ROBO1: variants seen among roughly 807,000 people sequenced by gnomAD.
ROBO1 encodes the protein roundabout guidance receptor 1, also known as roundabout homolog 1.
Under a neutral mutation model 195.9 loss-of-function variants are expected in ROBO1, and 149 were observed. The ratio of observed to expected loss-of-function variants is 0.76; its 90% CI spans 0.67 to 0.87. ROBO1 has a LOEUF of 0.87. ROBO1 is among the 40% of genes least tolerant of loss of function. ROBO1 has a pLI of 0.00. For synonymous variants in ROBO1, 816 were observed against 733.2 expected, an observed-to-expected ratio of 1.11 and a Z score of -1.82; for missense variants, 1,933 against 2,068.3, an observed-to-expected ratio of 0.93 and a Z score of 1.27.
At chr3:78,752,925 C>T (rs935777957) in intron 4 of ROBO1, among the ~76,000 whole-genome samples, 1 of 151,854 alleles carries the variant, frequency 6.6e-6, no homozygotes, top group Non-Finnish European at 1.5e-5. Context: ...GTTTTTAAAC[C>T]TTAAATTATG....
chr3:78,748,353 G>C (rs2082707809), intron 4 of ROBO1, among the ~76,000 whole-genome samples: 1 of 152,108 alleles, frequency 6.6e-6, no homozygotes, highest in African/African-American at 2.4e-5. Flanking sequence ...GCTGAGGCAG[G>C]AGAATTGCTA....
At chr3:79,394,606 TAA>T (rs1271241470) in intron 2 of ROBO1, among the ~76,000 whole-genome samples, 4 of 152,042 alleles carry the variant, frequency 2.6e-5, no homozygotes, top group African/African-American at 9.7e-5. Context: ...TAGGAAGATA[TAA>T]GAGTATTGTG....
intron 1 of ROBO1, among the ~76,000 whole-genome samples, chr3:79,734,724 C>A (rs1316347945): frequency 1.3e-5 from 2 of 151,390 alleles, no homozygotes; most frequent in Non-Finnish European, 3.0e-5. Flanking sequence ...AATACAGCCA[C>A]TACTTCCATA....
intron 4 of ROBO1, 71 bp from the exon 5 acceptor site, chr3:78,746,971 G>T (rs552444060): frequency 3.9e-6 from 4 of 1,031,914 alleles, no homozygotes; most frequent in Admixed American, 7.3e-5. Flanking sequence ...ACTTCAGCAG[G>T]AGACATTTAT....
In ROBO1 at chr3:78,794,969, T is replaced by G. The variant is rs117468586; in HGVS notation, c.500-48069A>C. 8.5e-5 allele frequency among the ~76,000 whole-genome samples: 13 copies of G among 152,302 alleles called. No individual in the cohort carries two copies. In the East Asian group the frequency reaches 2.5e-3, roughly 29 times the overall value. On this transcript the variant is annotated intron_variant, in intron 4 of 30. Transcript: ENST00000464233. ...GATTCATTTCAAATAATTTCAGAAA[T>G]GTATCTTATAAGCAGCCTAGTACTT...
At chr3:78,822,768 T>C (rs1345299143) in intron 4 of ROBO1, among the ~76,000 whole-genome samples, 1 of 152,222 alleles carries the variant, frequency 6.6e-6, no homozygotes, top group African/African-American at 2.4e-5. Flanking sequence ...TTGTTTATAC[T>C]TTGAAAAGCA....
chr3:79,512,805 T>C (rs915061472), intron 2 of ROBO1: 4 of 152,086 alleles, frequency 2.6e-5, no homozygotes, highest in Admixed American at 2.6e-4. Flanking sequence ...GGAAACAAAA[T>C]ACACAGTGTA....
intron 2 of ROBO1, among the ~76,000 whole-genome samples, chr3:79,345,891 G>A (rs370483769): frequency 4.6e-4 from 70 of 152,200 alleles, no homozygotes; most frequent in African/African-American, 1.6e-3. Flanking sequence ...TCTTTTCAGT[G>A]TTTATAGTGT....
In ROBO1 at chr3:78,618,021, G is replaced by A; in HGVS notation, c.3896C>T (p.Pro1299Leu). ...AGGGGAGATCGGCCGTGGTGGTGGA[G>A]GAGGACTCACAGGCTGCCGTCTGTA... ...PDRRRQPVSP[P>L]PPPRPISPPH... is the part of the protein sequence containing the mutation. Residue 1299 changes from proline (P) to leucine (L), a missense_variant, in exon 27 of 31, where the codon CCT (proline) becomes CTT (leucine). By Grantham distance (98) the Pro-to-Leu change is moderately conservative (BLOSUM62 -3). Coordinates refer to ENST00000464233, the MANE Select transcript of ROBO1 (RefSeq NM_002941.4). 1.9e-6 allele frequency: 3 copies of A among 1,612,840 alleles called. No individual in the cohort carries two copies. Among genetic ancestry groups the A allele is most frequent in the Non-Finnish European group, 2.5e-6 (3 of 1,179,236 alleles).
At chr3:79,450,567 G>A (rs1049743694) in intron 2 of ROBO1, among the ~76,000 whole-genome samples, 1 of 151,952 alleles carries the variant, frequency 6.6e-6, no homozygotes, top group Admixed American at 6.6e-5. Context: ...GAATTAATTT[G>A]TTTAGGATAC....
chr3:78,722,824 T>C (rs572293649), intron 5 of ROBO1, among the ~76,000 whole-genome samples: 6 of 152,274 alleles, frequency 3.9e-5, no homozygotes, highest in East Asian at 1.9e-4. Context: ...AGTTCCTCTG[T>C]ATCTCTGCTT....
chr3:79,026,725 C>T (rs973837776), intron 3 of ROBO1, among the ~76,000 whole-genome samples: 7 of 151,978 alleles, frequency 4.6e-5, no homozygotes, highest in Non-Finnish European at 1.0e-4. Context: ...CAAACATATA[C>T]TATTCTAATC....
At chr3:79,484,755 CTTTTT>C (rs1158213253) in intron 2 of ROBO1, among the ~76,000 whole-genome samples, 11 of 66,882 alleles carry the variant, frequency 1.6e-4, no homozygotes, top group South Asian at 8.0e-4. Context: ...ATTGCACTAT[CTTTTT>C]TTTTTTTTTT....
At chr3:78,997,596 T>C (rs1215000086) in intron 3 of ROBO1, among the ~76,000 whole-genome samples, 1 of 152,094 alleles carries the variant, frequency 6.6e-6, no homozygotes, top group Non-Finnish European at 1.5e-5. Context: ...CCTCAAATTA[T>C]TCAAAATGTG....
At chr3:79,121,591 A>C (rs2080117355) in intron 3 of ROBO1, among the ~76,000 whole-genome samples, 1 of 152,016 alleles carries the variant, frequency 6.6e-6, no homozygotes, top group Non-Finnish European at 1.5e-5. Context: ...GATTTTACTT[A>C]AATTGACAGT....
chr3:78,658,334 A>T, intron 17 of ROBO1, among the ~76,000 whole-genome samples: 1 of 152,220 alleles, frequency 6.6e-6, no homozygotes, highest in East Asian at 1.9e-4. Context: ...TCTGTGGCTC[A>T]GGCTGCAGTG....
At chr3:79,442,400 A>G (rs1007410107) in intron 2 of ROBO1, among the ~76,000 whole-genome samples, 15 of 152,294 alleles carry the variant, frequency 9.8e-5, no homozygotes, top group African/African-American at 3.6e-4. Context: ...AGACTTTTCC[A>G]TAGTATCTGT....
chr3:78,676,551 G>C (rs567919646), intron 10 of ROBO1, among the ~76,000 whole-genome samples: 1 of 152,164 alleles, frequency 6.6e-6, no homozygotes, highest in African/African-American at 2.4e-5. Context: ...GAGCCGATGC[G>C]ATCAACTGGA....
At chr3:79,233,968 G>T (rs1338791605) in intron 2 of ROBO1, among the ~76,000 whole-genome samples, 2 of 151,656 alleles carry the variant, frequency 1.3e-5, no homozygotes, top group African/African-American at 4.8e-5. Flanking sequence ...TCATATGTTT[G>T]GTGTCCACTT....
Sources: gnomAD v4.1 joint callset for allele counts (sites outside exome capture counted in the v4.1 genomes callset) on GRCh38, gnomAD v4.1.1 for gene constraint, MANE v1.5 for transcripts, NCBI Gene and HGNC (gene_info 2026-07-23, HGNC 2026-07-21) for gene names.